MAPK14: variants seen among roughly 807,000 people sequenced by gnomAD.
MAPK14 encodes CSAID-binding protein.
Under a neutral mutation model 49.6 loss-of-function variants are expected in MAPK14, and 16 were observed. The ratio of observed to expected loss-of-function variants is 0.32; its 90% CI spans 0.22 to 0.49. The LOEUF is 0.49. Among genes scored for constraint, MAPK14 ranks in the 20% least tolerant of loss-of-function variants. MAPK14 has a pLI of 0.99. For missense variants in MAPK14, 200 were observed against 441.2 expected (o/e 0.45, Z 4.90); for synonymous variants, 142 against 158.0 (o/e 0.90, Z 0.76).
intron 6 of MAPK14, among the ~76,000 whole-genome samples, chr6:36,075,072 A>G (rs1764469197): frequency 1.3e-5 from 2 of 151,686 alleles, no homozygotes; most frequent in South Asian, 4.2e-4. Context: ...TAAAAATACA[A>G]AAATTTAGTT....
At chr6:36,044,173 T>A (rs1366460439) in intron 1 of MAPK14, among the ~76,000 whole-genome samples, 1 of 152,206 alleles carries the variant, frequency 6.6e-6, no homozygotes, top group African/African-American at 2.4e-5. Flanking sequence ...TCAGTGTAAC[T>A]ACAGATTTCA....
intron 9 of MAPK14, among the ~76,000 whole-genome samples, 158 bp from the exon 10 acceptor site, chr6:36,102,413 G>T (rs1296321668): frequency 8.7e-6 from 1 of 114,360 alleles, no homozygotes; most frequent in Non-Finnish European, 1.8e-5. Flanking sequence ...GGGAAGTTAG[G>T]ATGGCAGTAA....
chr6:36,027,990 A>G lies in MAPK14; in HGVS notation c.-168A>G, dbSNP rs1304042092. The G allele has an allele frequency of 2.2e-6, 1 of 446,166 alleles. No homozygotes were observed. The allele number at this position is 446,166 out of a possible 1,614,324, so 27.6% of individuals were successfully genotyped here. ...GGCACATCCAGCCGCTGCGGCTGAC[A>G]GCAGCCGCGCGCGCGGGAGTCTGCG... is the stretch of plus-strand genomic sequence containing the variant. On this transcript the variant is annotated 5_prime_UTR_variant, in exon 1 of 12. Transcript: ENST00000229794.
intron 8 of MAPK14, among the ~76,000 whole-genome samples, chr6:36,080,386 G>A (rs147447489): frequency 7.8e-4 from 119 of 151,992 alleles, no homozygotes; most frequent in Middle Eastern, 3.4e-3. Flanking sequence ...CTCCCCTCTG[G>A]TAACCTCTGT....
intron 8 of MAPK14, 167 bp downstream of exon 8, chr6:36,076,775 G>T: frequency 2.1e-6 from 1 of 466,770 alleles, no homozygotes; most frequent in Non-Finnish European, 3.8e-6. Context: ...GCCTTGCCAA[G>T]AAAGAGGCTT....
chr6:36,043,325 G>T lies in MAPK14; in HGVS notation c.117-9374G>T, dbSNP rs959426241. Among the ~76,000 whole-genome samples the T allele has an allele frequency of 4.6e-5, 7 of 152,272 alleles. No individual in the cohort carries two copies. In the East Asian group the frequency reaches 1.4e-3, roughly 29 times the overall value. On this transcript the variant is annotated intron_variant, in intron 1 of 11. Transcript: ENST00000229794. The stretch of plus-strand genomic sequence containing the variant: ...ATCTTAAATCTCCTGCTACTCTGAA[G>T]AAGATAAATGTATATAATTTTAATT...
chr6:36,032,489 G>A (rs571203971), intron 1 of MAPK14, among the ~76,000 whole-genome samples: 99 of 152,272 alleles, frequency 6.5e-4, no homozygotes, highest in Middle Eastern at 6.8e-3. Flanking sequence ...TGAGTTTAAG[G>A]AAATACAAAC....
In MAPK14 at chr6:36,028,280, G is replaced by T. The variant is rs1163295554; in HGVS notation, c.116+7G>T. On this transcript the variant is annotated splice_region_variant and intron_variant, in intron 1 of 11. Transcript: ENST00000229794. This position sits in a 1 kb window ranked among gnomAD's most constrained non-coding sequence, Gnocchi z 5.1. ...GCGCCTATGGCTCTGTGTGGTGAGT[G>T]TCGCTGGGCCTGGGGCCGCTGTGGG... 6.2e-7 allele frequency: 1 copy of T among 1,606,466 alleles called. No homozygotes were observed. The highest frequency in any genetic ancestry group is 1.7e-5 in the Admixed American group (1 of 59,850).
At chr6:36,097,305 G>A (rs1323332831) in intron 9 of MAPK14, 1 of 152,194 alleles carries the variant, frequency 6.6e-6, no homozygotes, top group Non-Finnish European at 1.5e-5. Flanking sequence ...GATCCCAGAT[G>A]TTCTGATAAC....
intron 3 of MAPK14, among the ~76,000 whole-genome samples, chr6:36,071,257 C>A (rs1205966814): frequency 6.6e-6 from 1 of 151,934 alleles, no homozygotes; most frequent in East Asian, 1.9e-4. Context: ...CGCTTAATCC[C>A]AGGAGGTGGA....
intron 6 of MAPK14, among the ~76,000 whole-genome samples, chr6:36,075,042 C>T (rs974383295): frequency 7.3e-5 from 11 of 151,524 alleles, no homozygotes; most frequent in South Asian, 4.2e-4. Flanking sequence ...TTGGCCAACA[C>T]GGTGAAACCT....
Position 36,093,412 on chromosome 6 carries a change from TAGAG to T in MAPK14, c.683-2570_683-2567del, listed in dbSNP as rs1436003631. Among the ~76,000 whole-genome samples, 5 of 152,152 alleles carry T rather than the reference TAGAG, an allele frequency of 3.3e-5. No individual in the cohort carries two copies. In the East Asian group the frequency reaches 9.7e-4, roughly 29 times the overall value. On this transcript the variant is annotated intron_variant, in intron 8 of 11. Coordinates refer to ENST00000229794, the MANE Select transcript of MAPK14 (RefSeq NM_139012.3). ...CACAGCTCAGAGAGCCTGTCTTCCT[TAGAG>T]AGAGTATAAAAATTGACTCTCAGCC...
At chr6:36,091,832 A>G (rs1167279975) in intron 8 of MAPK14, among the ~76,000 whole-genome samples, 2 of 142,218 alleles carry the variant, frequency 1.4e-5, no homozygotes, top group African/African-American at 2.6e-5. Context: ...AATATGGCTC[A>G]TCTTTTCTTT....
At chr6:36,122,667 A>G in the MAPK14 span, among the ~76,000 whole-genome samples, 2 of 152,220 alleles carry the variant, frequency 1.3e-5, no homozygotes, top group Non-Finnish European at 1.5e-5. Flanking sequence ...ATGGCTTGTA[A>G]TGAGGTCAGG....
chr6:36,117,492 G>A, the MAPK14 span, among the ~76,000 whole-genome samples: 582 of 152,262 alleles, frequency 3.8e-3, 4 homozygotes, highest in African/African-American at 0.013. Context: ...CCATTCCCAA[G>A]CCTGGATTAG....
intron 3 of MAPK14, among the ~76,000 whole-genome samples, chr6:36,072,212 C>T (rs184358895): frequency 2.6e-4 from 39 of 152,110 alleles, no homozygotes; most frequent in African/African-American, 8.7e-4. Flanking sequence ...GTGGTGCACA[C>T]CTTTAGTCCT....
intron 8 of MAPK14, among the ~76,000 whole-genome samples, chr6:36,093,784 TAAAC>T: frequency 6.6e-6 from 1 of 151,086 alleles, no homozygotes; most frequent in African/African-American, 2.4e-5. Flanking sequence ...AGAAGTCTCT[TAAAC>T]AAGAGTACCA....
chr6:36,065,546 G>GTGTGTGTGTGTGTGTGTA (rs1255056617), intron 3 of MAPK14, among the ~76,000 whole-genome samples: 1 of 149,200 alleles, frequency 6.7e-6, no homozygotes, highest in Non-Finnish European at 1.5e-5. Flanking sequence ...GTGTGTGTGT[G>GTGTGTGTGTGTGTGTGTA]TTTGGTGGGA....
At chr6:36,065,792 G>A (rs900905967) in intron 3 of MAPK14, among the ~76,000 whole-genome samples, 6 of 152,058 alleles carry the variant, frequency 3.9e-5, no homozygotes, top group Non-Finnish European at 8.8e-5. Context: ...GTGATAAAAA[G>A]ATATCATTTT....
Sources: allele counts gnomAD v4.1 joint callset (sites outside exome capture counted in the v4.1 genomes callset), GRCh38; gene constraint gnomAD v4.1.1; non-coding constraint Gnocchi (gnomAD v3.1); transcripts MANE v1.5; gene names NCBI Gene and HGNC (gene_info 2026-07-23, HGNC 2026-07-21).